The following FOXP1 variants were observed in gnomAD, a reference collection of about 807,000 sequenced individuals.
The protein encoded by FOXP1 is forkhead box P1.
A neutral mutation model predicts 98.2 loss-of-function variants in FOXP1; 15 were observed. The ratio of observed to expected loss-of-function variants is 0.15; its 90% CI spans 0.10 to 0.24. The LOEUF is 0.24. Among genes scored for constraint, FOXP1 ranks in the 10% least tolerant of loss-of-function variants. The pLI, the probability that FOXP1 is intolerant of heterozygous loss-of-function variation, is 1.00. For missense variants in FOXP1, 633 were observed against 848.5 expected, an observed-to-expected ratio of 0.75 and a Z score of 3.15; for synonymous variants, 371 against 314.5, an observed-to-expected ratio of 1.18 and a Z score of -1.90.
intron 7 of FOXP1, among the ~76,000 whole-genome samples, chr3:71,087,893 G>GT (rs1316426139): frequency 1.3e-5 from 2 of 152,206 alleles, no homozygotes; most frequent in African/African-American, 4.8e-5. Context: ...AAAAATACCT[G>GT]TTTGCATGTA....
At chr3:71,150,499 C>A (rs933040701) in intron 6 of FOXP1, among the ~76,000 whole-genome samples, 4 of 152,026 alleles carry the variant, frequency 2.6e-5, no homozygotes, top group Non-Finnish European at 5.9e-5. Flanking sequence ...AACACAACAA[C>A]CCTGAAACTC....
At chr3:71,238,740 C>T (rs1057060101) in intron 5 of FOXP1, among the ~76,000 whole-genome samples, 9 of 152,110 alleles carry the variant, frequency 5.9e-5, no homozygotes, top group African/African-American at 1.9e-4. Flanking sequence ...CATAAATAAT[C>T]GGGGCTGAGG....
intron 2 of FOXP1, among the ~76,000 whole-genome samples, chr3:71,523,887 G>C (rs555007643): frequency 6.6e-6 from 1 of 152,168 alleles, no homozygotes; most frequent in East Asian, 1.9e-4. Flanking sequence ...GAGCAGCCGG[G>C]ATCACCCACA....
chr3:71,146,772 G>A (rs1376839961), intron 6 of FOXP1, among the ~76,000 whole-genome samples: 2 of 152,178 alleles, frequency 1.3e-5, no homozygotes, highest in African/African-American at 4.8e-5. Flanking sequence ...GCAGCAACAT[G>A]GCTAGAACAT....
intron 11 of FOXP1, among the ~76,000 whole-genome samples, chr3:71,032,584 A>G (rs2047015375): frequency 6.6e-6 from 1 of 152,228 alleles, no homozygotes; most frequent in Non-Finnish European, 1.5e-5. Context: ...AATGCTGTAC[A>G]TATCTAACGC....
At chr3:70,982,723 T>G (rs2039070875) in intron 14 of FOXP1, among the ~76,000 whole-genome samples, 1 of 151,946 alleles carries the variant, frequency 6.6e-6, no homozygotes, top group African/African-American at 2.4e-5. Context: ...TAATCTTTCT[T>G]TAGTTTTTAA....
At chr3:71,429,652 A>G (rs2084510990) in intron 3 of FOXP1, among the ~76,000 whole-genome samples, 1 of 152,204 alleles carries the variant, frequency 6.6e-6, no homozygotes, top group South Asian at 2.1e-4. Flanking sequence ...AAATGGAAAA[A>G]CAGAATTAAC....
chr3:71,243,151 A>T (rs2067429886), intron 5 of FOXP1, among the ~76,000 whole-genome samples: 1 of 152,220 alleles, frequency 6.6e-6, no homozygotes, highest in African/African-American at 2.4e-5. Context: ...CTAAAAGCAC[A>T]GACTACAGTT....
At chr3:71,580,362 T>A (rs1578267944) in intron 2 of FOXP1, among the ~76,000 whole-genome samples, 1 of 150,476 alleles carries the variant, frequency 6.6e-6, no homozygotes, top group East Asian at 1.9e-4. Flanking sequence ...TTTTTCTTGC[T>A]CTTTAATTGT....
At chr3:71,180,446 TA>T (rs201535384) in intron 6 of FOXP1, among the ~76,000 whole-genome samples, 18 of 151,288 alleles carry the variant, frequency 1.2e-4, no homozygotes, top group African/African-American at 2.9e-4. Context: ...GTAGATGTTT[TA>T]AAAAAAAATG....
intron 3 of FOXP1, among the ~76,000 whole-genome samples, chr3:71,489,606 T>G (rs1225619230): frequency 6.6e-6 from 1 of 152,220 alleles, no homozygotes; most frequent in African/African-American, 2.4e-5. Flanking sequence ...GTGCATCCTA[T>G]AGGTACCAGT....
chr3:71,323,807 G>T (rs938940870), intron 4 of FOXP1, among the ~76,000 whole-genome samples: 1 of 152,148 alleles, frequency 6.6e-6, no homozygotes, highest in Non-Finnish European at 1.5e-5. Context: ...TAAACATTTT[G>T]TTCTATTTCC....
chr3:71,030,058 G>A (rs535219500), intron 11 of FOXP1, among the ~76,000 whole-genome samples: 54 of 152,250 alleles, frequency 3.5e-4, no homozygotes, highest in South Asian at 3.5e-3. Context: ...TTCAGGGGTG[G>A]GAAACTGAGG....
chr3:71,000,603 G>T (rs1314872091), intron 13 of FOXP1, among the ~76,000 whole-genome samples: 1 of 151,622 alleles, frequency 6.6e-6, no homozygotes, highest in Non-Finnish European at 1.5e-5. Flanking sequence ...GCAACGTCGA[G>T]GACTTACACT....
At chr3:71,085,749 T>TTTTTTTTTTTTTTTTTTTTTTTTTTA (rs2055006693) in intron 7 of FOXP1, among the ~76,000 whole-genome samples, 1 of 139,452 alleles carries the variant, frequency 7.2e-6, no homozygotes, top group Non-Finnish European at 1.5e-5. Context: ...TTTTTTTTTT[T>TTTTTTTTTTTTTTTTTTTTTTTTTTA]ACATGGAGTC....
intron 6 of FOXP1, among the ~76,000 whole-genome samples, chr3:71,182,502 ATGTG>A (rs1234678062): frequency 2.8e-4 from 37 of 133,692 alleles, no homozygotes; most frequent in East Asian, 1.1e-3. Context: ...AACTATATAT[ATGTG>A]TGTGTGTGTG....
chr3:70,960,902 C>T lies in FOXP1; in HGVS notation c.1890-1511G>A, dbSNP rs1048029039. On this transcript the variant is annotated intron_variant, in intron 20 of 20. Coordinates refer to ENST00000649528, the MANE Select transcript of FOXP1 (RefSeq NM_001349338.3). ...TGTCGCCCAGGCTGGAGTGCAGTGG[C>T]GTGATCTTGGCTCACTGCAAGCTCC... Among the ~76,000 whole-genome samples the T allele has an allele frequency of 1.4e-4, 20 of 146,652 alleles. No homozygotes were observed. In the East Asian group the frequency reaches 3.1e-3, roughly 22 times the overall value.
intron 3 of FOXP1, among the ~76,000 whole-genome samples, chr3:71,432,733 C>T (rs989950070): frequency 1.5e-4 from 22 of 151,550 alleles, no homozygotes; most frequent in African/African-American, 5.3e-4. Context: ...TCCAAAGAAG[C>T]AGAACTCAGC....
At chr3:71,425,373 G>A (rs1002892012) in intron 3 of FOXP1, among the ~76,000 whole-genome samples, 2 of 152,102 alleles carry the variant, frequency 1.3e-5, no homozygotes, top group Non-Finnish European at 1.5e-5. Context: ...TGATCCACCC[G>A]CCTTGGCCTC....
Sources: gnomAD v4.1 joint callset for allele counts (sites outside exome capture counted in the v4.1 genomes callset) on GRCh38, gnomAD v4.1.1 for gene constraint, MANE v1.5 for transcripts, NCBI Gene and HGNC (gene_info 2026-07-23, HGNC 2026-07-21) for gene names.